RBMS1: variants seen among roughly 807,000 people sequenced by gnomAD.
RBMS1 encodes the protein RNA-binding motif, single-stranded-interacting protein 1.
A neutral mutation model predicts 62.3 loss-of-function variants in RBMS1; 17 were observed. The observed-to-expected ratio is 0.27, with a 90% CI of 0.19 to 0.41. The LOEUF (loss-of-function observed/expected upper bound fraction) is 0.41, where lower values mean the gene tolerates loss of function less well. Ranked by LOEUF, RBMS1 falls within the 10% of genes least tolerant of loss-of-function variation. RBMS1 has a pLI of 1.00. For missense variants in RBMS1, 334 were observed against 504.5 expected, an observed-to-expected ratio of 0.66 and a Z score of 3.24; for synonymous variants, 172 against 170.0, an observed-to-expected ratio of 1.01 and a Z score of -0.09.
At chr2:160,285,390 A>G (rs532885768) in intron 7 of RBMS1, among the ~76,000 whole-genome samples, 3 of 152,182 alleles carry the variant, frequency 2.0e-5, no homozygotes, top group Admixed American at 1.3e-4. Context: ...GTCCCATGTG[A>G]TAGTCATAAG....
chr2:160,384,871 C>A (rs935777879), intron 1 of RBMS1, among the ~76,000 whole-genome samples: 5 of 152,198 alleles, frequency 3.3e-5, no homozygotes, highest in African/African-American at 1.2e-4. Context: ...AAGGTGGGAC[C>A]TGGTGGGGGG....
chr2:160,426,297 A>G (rs71338847), intron 1 of RBMS1, among the ~76,000 whole-genome samples: 2,431 of 54,452 alleles, frequency 0.045, 32 homozygotes, highest in East Asian at 0.075. Context: ...AAGAAAAGAA[A>G]GAAGGAAGGA....
At chr2:160,302,979 A>G (rs527500452) in intron 5 of RBMS1, among the ~76,000 whole-genome samples, 1 of 152,344 alleles carries the variant, frequency 6.6e-6, no homozygotes, top group East Asian at 1.9e-4. Context: ...CCATCGAATA[A>G]GAAAAAACAT....
intron 5 of RBMS1, 32 bp from the exon 6 acceptor site, chr2:160,300,762 T>C: frequency 1.3e-6 from 2 of 1,508,000 alleles, no homozygotes; most frequent in Non-Finnish European, 1.8e-6. Context: ...TACATAAATA[T>C]TTAAAGGTTT....
chr2:160,311,232 C>CTATATATCTATATATCTATATCTATATA (rs1689866017), intron 4 of RBMS1, among the ~76,000 whole-genome samples: 2 of 79,252 alleles, frequency 2.5e-5, no homozygotes, highest in African/African-American at 8.8e-5. Context: ...ATCTATCTAT[C>CTATATATCTATATATCTATATCTATATA]TATATATATA....
intron 1 of RBMS1, among the ~76,000 whole-genome samples, chr2:160,470,384 CTA>C (rs1275697928): frequency 2.0e-5 from 3 of 152,014 alleles, no homozygotes; most frequent in Non-Finnish European, 4.4e-5. Flanking sequence ...TCATACTTAT[CTA>C]TGTTTTATAT....
intron 4 of RBMS1, among the ~76,000 whole-genome samples, chr2:160,304,195 G>C (rs115548819): frequency 0.012 from 1,854 of 152,116 alleles, 40 homozygotes; most frequent in African/African-American, 0.043. Flanking sequence ...CTTGCAAAAG[G>C]CTATCTAAGG....
At chr2:160,396,737 G>T (rs987454422) in intron 1 of RBMS1, among the ~76,000 whole-genome samples, 5 of 151,828 alleles carry the variant, frequency 3.3e-5, no homozygotes, top group African/African-American at 7.3e-5. Context: ...GCTGATTTTT[G>T]TATTTTTAGT....
chr2:160,329,514 G>A (rs572240925), intron 2 of RBMS1, among the ~76,000 whole-genome samples: 19 of 152,288 alleles, frequency 1.2e-4, no homozygotes, highest in Non-Finnish European at 2.5e-4. Flanking sequence ...GCGGAGGTAG[G>A]ATAGTACGGC....
At chr2:160,390,627 T>A (rs2105210056) in intron 1 of RBMS1, among the ~76,000 whole-genome samples, 1 of 149,136 alleles carries the variant, frequency 6.7e-6, no homozygotes, top group Admixed American at 6.7e-5. Flanking sequence ...GCCCAGGAGG[T>A]TGAGGCTGCA....
At chr2:160,429,850 GA>G in intron 1 of RBMS1, among the ~76,000 whole-genome samples, 1 of 152,328 alleles carries the variant, frequency 6.6e-6, no homozygotes, top group East Asian at 1.9e-4. Context: ...TCCAGGACTG[GA>G]ACCTGTTTCA....
At chr2:160,311,228 CTATCTATAT>C (rs1689859679) in intron 4 of RBMS1, among the ~76,000 whole-genome samples, 9 of 95,944 alleles carry the variant, frequency 9.4e-5, no homozygotes, top group South Asian at 4.0e-4. Flanking sequence ...ATCTATCTAT[CTATCTATAT>C]ATATATATAT....
chr2:160,425,819 G>A (rs568665692), intron 1 of RBMS1, among the ~76,000 whole-genome samples: 6 of 152,178 alleles, frequency 3.9e-5, no homozygotes, highest in Admixed American at 2.0e-4. Context: ...TGTTGAGATC[G>A]GGTTTCATAA....
chr2:160,455,158 G>A (rs983791800), intron 1 of RBMS1, among the ~76,000 whole-genome samples: 8 of 152,108 alleles, frequency 5.3e-5, no homozygotes, highest in South Asian at 4.1e-4. Context: ...GAAAAAGACC[G>A]GTATCTGATG....
chr2:160,340,126 T>C (rs1170258977), intron 2 of RBMS1, among the ~76,000 whole-genome samples: 1 of 152,232 alleles, frequency 6.6e-6, no homozygotes, highest in Admixed American at 6.5e-5. Context: ...TAATGTTATT[T>C]TTTTCTAATT....
intron 2 of RBMS1, among the ~76,000 whole-genome samples, chr2:160,358,148 C>T (rs905177425): frequency 6.6e-6 from 1 of 152,142 alleles, no homozygotes; most frequent in Non-Finnish European, 1.5e-5. Context: ...CTTAAGCTCT[C>T]AACTCTGCTT....
chr2:160,285,155 G>T, intron 7 of RBMS1, 111 bp from the exon 8 acceptor site: 1 of 1,024,492 alleles, frequency 9.8e-7, no homozygotes, highest in Non-Finnish European at 1.5e-6. Flanking sequence ...TGCTGGGGAG[G>T]CTGAGGTGGG....
chr2:160,277,525 G>C (rs1687900567), intron 11 of RBMS1, 142 bp from the exon 12 acceptor site: 7 of 522,370 alleles, frequency 1.3e-5, no homozygotes, highest in African/African-American at 1.9e-5. Flanking sequence ...AGCTTAAATA[G>C]TGCATATAAA....
chr2:160,442,238 A>G (rs1022529582), intron 1 of RBMS1, among the ~76,000 whole-genome samples: 13 of 152,238 alleles, frequency 8.5e-5, no homozygotes, highest in African/African-American at 2.9e-4. Flanking sequence ...TGAGATCACA[A>G]TGACACTTCC....
Sources: gnomAD v4.1 joint callset for allele counts (sites outside exome capture counted in the v4.1 genomes callset) on GRCh38, gnomAD v4.1.1 for gene constraint, MANE v1.5 for transcripts, NCBI Gene and HGNC (gene_info 2026-07-23, HGNC 2026-07-21) for gene names.